The following R3HDM2 variants were observed in gnomAD, a reference collection of about 807,000 sequenced individuals.
The protein encoded by R3HDM2 is R3H domain containing 2, also known as R3H domain-containing protein 2.
Under a neutral mutation model 124.5 loss-of-function variants are expected in R3HDM2, and 38 were observed. That is an observed-to-expected ratio of 0.31 (90% CI 0.24 to 0.40). The LOEUF (loss-of-function observed/expected upper bound fraction) is 0.40, where lower values mean the gene tolerates loss of function less well. R3HDM2 is among the 10% of genes least tolerant of loss of function. R3HDM2 has a pLI of 1.00. For synonymous variants in R3HDM2, 391 were observed against 448.0 expected, an observed-to-expected ratio of 0.87 and a Z score of 1.61; for missense variants, 869 against 1,236.9, an observed-to-expected ratio of 0.70 and a Z score of 4.46.
At chr12:57,321,448 C>T (rs575581589) in intron 2 of R3HDM2, among the ~76,000 whole-genome samples, 3 of 152,088 alleles carry the variant, frequency 2.0e-5, no homozygotes, top group Admixed American at 6.5e-5. Context: ...GTCAGGAGTT[C>T]GAGACCAGCC....
intron 20 of R3HDM2, 40 bp from the exon 21 acceptor site, chr12:57,258,177 A>G: frequency 6.9e-7 from 1 of 1,457,050 alleles, no homozygotes; most frequent in South Asian, 1.4e-5. Context: ...AACATCAAAC[A>G]TTACCCTCTG....
chr12:57,354,000 C>T (rs1026251422), intron 2 of R3HDM2, among the ~76,000 whole-genome samples: 1 of 151,820 alleles, frequency 6.6e-6, no homozygotes, highest in East Asian at 1.9e-4. Flanking sequence ...ATTACAAGTG[C>T]ACGCCACCAC....
intron 17 of R3HDM2, 110 bp from the exon 18 acceptor site, chr12:57,268,567 A>T: frequency 8.8e-7 from 1 of 1,139,832 alleles, no homozygotes; most frequent in Non-Finnish European, 1.3e-6. Context: ...TCCCTACCTT[A>T]GATCCTCCTC....
chr12:57,317,596 G>C (rs1300540454), intron 2 of R3HDM2, among the ~76,000 whole-genome samples: 4 of 135,320 alleles, frequency 3.0e-5, no homozygotes, highest in African/African-American at 1.1e-4. Context: ...AAGATACTCT[G>C]AGTTGAGTTT....
chr12:57,349,152 G>A (rs1163622876), intron 2 of R3HDM2, among the ~76,000 whole-genome samples: 4 of 151,538 alleles, frequency 2.6e-5, no homozygotes, highest in South Asian at 4.2e-4. Flanking sequence ...AGGCTGAGGC[G>A]GGCAGATCAC....
chr12:57,288,630 T>C (rs1179599004), intron 12 of R3HDM2, among the ~76,000 whole-genome samples: 1 of 151,996 alleles, frequency 6.6e-6, no homozygotes, highest in Non-Finnish European at 1.5e-5. Flanking sequence ...TTGGTCCCCT[T>C]CACCACCTGT....
chr12:57,352,476 C>G (rs891132930), intron 2 of R3HDM2, among the ~76,000 whole-genome samples: 1 of 150,700 alleles, frequency 6.6e-6, no homozygotes, highest in Non-Finnish European at 1.5e-5. Context: ...GGAAAATCTG[C>G]CACACTAGGC....
At chr12:57,354,343 G>A (rs969039581) in intron 2 of R3HDM2, among the ~76,000 whole-genome samples, 1 of 151,896 alleles carries the variant, frequency 6.6e-6, no homozygotes, top group Non-Finnish European at 1.5e-5. Context: ...ACGCAGGCTC[G>A]AGTGCGGTGG....
chr12:57,417,027 A>G (rs960548694), intron 1 of R3HDM2, among the ~76,000 whole-genome samples: 5 of 151,552 alleles, frequency 3.3e-5, no homozygotes, highest in Non-Finnish European at 7.4e-5. Flanking sequence ...CTGAGACAAG[A>G]GAATTGCTTG....
At chr12:57,393,246 G>C (rs2066995829) in intron 2 of R3HDM2, among the ~76,000 whole-genome samples, 2 of 152,116 alleles carry the variant, frequency 1.3e-5, no homozygotes. Context: ...TCGGACTACA[G>C]GCACCCACCA....
chr12:57,262,013 C>A (rs1565845322), intron 19 of R3HDM2, among the ~76,000 whole-genome samples: 1 of 152,082 alleles, frequency 6.6e-6, no homozygotes, highest in African/African-American at 2.4e-5. Flanking sequence ...TTATGTCTGG[C>A]AGAATTGTTT....
intron 1 of R3HDM2, among the ~76,000 whole-genome samples, chr12:57,427,425 C>T (rs1274582025): frequency 1.3e-5 from 2 of 150,466 alleles, no homozygotes; most frequent in Non-Finnish European, 3.0e-5. Context: ...TCTCAGCTCA[C>T]TGCAACCTCA....
intron 19 of R3HDM2, among the ~76,000 whole-genome samples, chr12:57,261,633 C>T (rs1419099213): frequency 6.6e-6 from 1 of 152,032 alleles, no homozygotes; most frequent in Non-Finnish European, 1.5e-5. Flanking sequence ...ATTGTTCCTT[C>T]ACTTAGCTGA....
At chr12:57,265,869 T>G (rs1257489837) in intron 19 of R3HDM2, among the ~76,000 whole-genome samples, 1 of 148,208 alleles carries the variant, frequency 6.7e-6, no homozygotes, top group Non-Finnish European at 1.5e-5. Flanking sequence ...CGATCTCGGC[T>G]CACTGCAAGC....
intron 2 of R3HDM2, among the ~76,000 whole-genome samples, chr12:57,386,592 AGCGCCGCCCCCTGCTCCACC>A (rs975441044): frequency 2.0e-5 from 3 of 151,486 alleles, no homozygotes; most frequent in Non-Finnish European, 4.4e-5. Context: ...CTCCCTGACG[AGCGCCGCCCCCTGCTCCACC>A]GCGCCCAGTC....
rs184515049 is a variant in R3HDM2 at position 57,262,205 on chromosome 12, G to C, written c.2132-3146C>G. 7.2e-5 allele frequency among the ~76,000 whole-genome samples: 11 copies of C among 152,204 alleles called. No individual in the cohort carries two copies. The East Asian group carries it at 1.9e-3, about 27-fold the overall frequency. ...TATTTTTCCTTTTTTTGGTGGGGGA[G>C]TAGGATATCTTCACTAAATGGAAGA... On this transcript the variant is annotated intron_variant, in intron 19 of 23. Transcript: ENST00000402412.
At chr12:57,312,752 C>T (rs2054179244) in intron 2 of R3HDM2, among the ~76,000 whole-genome samples, 1 of 151,772 alleles carries the variant, frequency 6.6e-6, no homozygotes, top group African/African-American at 2.4e-5. Flanking sequence ...GCCATTGCAT[C>T]CAGCCTTAAA....
chr12:57,386,667 G>A (rs185964939), intron 2 of R3HDM2, among the ~76,000 whole-genome samples: 23 of 152,370 alleles, frequency 1.5e-4, no homozygotes, highest in Admixed American at 1.4e-3. Flanking sequence ...CACTGTGCAG[G>A]ACTCGCAGGC....
At position 57,319,124 on chromosome 12, in the gene R3HDM2, G is replaced by A. The variant is rs561345713; in HGVS notation, c.-35-8661C>T. ...TTTCTTTTTTTTGAGATGGAGTTTC[G>A]CTCTATTGCCCAGGCTGGAGTGCAA... On this transcript the variant is annotated intron_variant, in intron 2 of 23. Transcript: ENST00000402412. 8.5e-5 allele frequency among the ~76,000 whole-genome samples: 13 copies of A among 152,118 alleles called. No individual in the cohort carries two copies. In the East Asian group the frequency reaches 2.3e-3, roughly 27 times the overall value.
Sources: allele counts gnomAD v4.1 joint callset (sites outside exome capture counted in the v4.1 genomes callset), GRCh38; gene constraint gnomAD v4.1.1; transcripts MANE v1.5; gene names NCBI Gene and HGNC (gene_info 2026-07-23, HGNC 2026-07-21).